SEPTIN11: variants seen among roughly 807,000 people sequenced by gnomAD.
The protein encoded by SEPTIN11 is septin 11.
SEPTIN11 carries 25 observed loss-of-function variants against 51.4 expected under a neutral mutation model. The ratio of observed to expected loss-of-function variants is 0.49; its 90% CI spans 0.35 to 0.68. The LOEUF is 0.68. Among genes scored for constraint, SEPTIN11 ranks in the 30% least tolerant of loss-of-function variants. SEPTIN11 has a pLI of 0.00. For synonymous variants in SEPTIN11, 174 were observed against 184.1 expected, an observed-to-expected ratio of 0.95 and a Z score of 0.44; for missense variants, 381 against 520.8, an observed-to-expected ratio of 0.73 and a Z score of 2.61.
At chr4:76,967,379 G>A (rs1483293981) in intron 1 of SEPTIN11, among the ~76,000 whole-genome samples, 1 of 152,212 alleles carries the variant, frequency 6.6e-6, no homozygotes, top group Admixed American at 6.5e-5. Context: ...AGGCAAATGT[G>A]TAAGCCATCT....
intron 1 of SEPTIN11, among the ~76,000 whole-genome samples, chr4:76,954,462 TCCCCCG>T (rs1373456196): frequency 1.3e-5 from 2 of 152,048 alleles, no homozygotes; most frequent in African/African-American, 4.8e-5. Context: ...ATTGATAACC[TCCCCCG>T]CCCCCTTTTT....
At chr4:76,953,552 G>A (rs1300860659) in intron 1 of SEPTIN11, among the ~76,000 whole-genome samples, 1 of 152,122 alleles carries the variant, frequency 6.6e-6, no homozygotes, top group African/African-American at 2.4e-5. Flanking sequence ...GGCCCCAGAT[G>A]GATGGCTGTG....
rs956302677 is a variant in SEPTIN11 at position 77,011,932 on chromosome 4, C to T, written c.525+11C>T. 1 of 1,609,984 alleles carries T rather than the reference C, an allele frequency of 6.2e-7. No individual in the cohort carries two copies. The highest frequency in any genetic ancestry group is 1.7e-5 in the Admixed American group (1 of 59,918). Reference sequence around the variant, plus strand: ...AAGCTGGACAGTAAGGTACTTGCTGCCATTCTGATTATCATCCACTCTCCT... The same window carrying T: ...AAGCTGGACAGTAAGGTACTTGCTGTCATTCTGATTATCATCCACTCTCCT... On this transcript the variant is annotated intron_variant, in intron 4 of 9. Coordinates refer to ENST00000264893, the MANE Select transcript of SEPTIN11 (RefSeq NM_018243.4).
chr4:77,005,886 T>A, intron 3 of SEPTIN11, 90 bp downstream of exon 3: 1 of 1,252,664 alleles, frequency 8.0e-7, no homozygotes, highest in Non-Finnish European at 1.1e-6. Context: ...GTTTTGGGGA[T>A]TTTTTAGTTG....
chr4:76,999,485 CAT>C (rs1723969776), intron 2 of SEPTIN11, among the ~76,000 whole-genome samples: 1 of 152,032 alleles, frequency 6.6e-6, no homozygotes, highest in South Asian at 2.1e-4. Context: ...ACAGTATGCA[CAT>C]GTGTGATATT....
In SEPTIN11 at chr4:77,019,277, G is replaced by T; in HGVS notation, c.784+16G>T. ...GTGGTGCAGGGTATGTGCACAGCATGGGAGATGGAGTCTTCATATTTAGCC... is the reference window on the plus strand; with the variant it reads ...GTGGTGCAGGGTATGTGCACAGCATTGGAGATGGAGTCTTCATATTTAGCC... On this transcript the variant is annotated intron_variant, in intron 6 of 9. Coordinates refer to ENST00000264893, the MANE Select transcript of SEPTIN11 (RefSeq NM_018243.4). The T allele has an allele frequency of 6.3e-7, 1 of 1,583,168 alleles. No individual in the cohort carries two copies.
chr4:77,015,123 T>C (rs113540552), intron 5 of SEPTIN11, 106 bp downstream of exon 5: 1 of 1,079,322 alleles, frequency 9.3e-7, no homozygotes, highest in South Asian at 1.8e-5. Context: ...ACCTGATGAC[T>C]TCAGCTGTAG....
rs1464993625 is a variant in SEPTIN11, at chr4:76,996,534, G to A, written c.137G>A (p.Cys46Tyr). Residue 46 changes from cysteine to tyrosine, a missense_variant, in exon 2 of 10, where the codon TGT becomes TAT. This residue lies in a region of SEPTIN11 where 184 missense variants were observed against 207.7 expected (regional missense o/e 0.89). Transcript: ENST00000264893. The part of the protein sequence containing the change: ...TSQGFCFNIL[C>Y]VGETGIGKST... ...CAAGGATTCTGTTTCAACATCCTTT[G>A]TGTTGGTAAGTTATTCATCACCCCA... 6.2e-7 allele frequency: 1 copy of A among 1,610,302 alleles called. No homozygotes were observed.
At chr4:77,026,339 A>G (rs146197065) in intron 7 of SEPTIN11, among the ~76,000 whole-genome samples, 142 of 152,344 alleles carry the variant, frequency 9.3e-4, no homozygotes, top group Non-Finnish European at 1.6e-3. Flanking sequence ...CAAACTAGTT[A>G]TATCAAATCA....
intron 9 of SEPTIN11, among the ~76,000 whole-genome samples, chr4:77,033,005 G>A (rs956566622): frequency 3.3e-5 from 5 of 152,198 alleles, no homozygotes; most frequent in African/African-American, 1.2e-4. Context: ...TATTTTGAAG[G>A]ATATTATACT....
In SEPTIN11 at chr4:77,035,408, C is replaced by G; in HGVS notation, c.*896C>G. 1 of 985,332 alleles carries G rather than the reference C, an allele frequency of 1.0e-6. No homozygotes were observed. Among genetic ancestry groups the G allele is most frequent in the South Asian group, 4.7e-5 (1 of 21,284 alleles). The allele number at this position is 985,332 out of a possible 1,614,324, so 61.0% of individuals were successfully genotyped here. On this transcript the variant is annotated 3_prime_UTR_variant, in exon 10 of 10. Coordinates refer to ENST00000264893, the MANE Select transcript of SEPTIN11 (RefSeq NM_018243.4). ...TAGAGGGAGGACCTGATGACTGATTCCAGGATACTTGTACTTCTAATAACA... is the reference window on the plus strand; with the variant it reads ...TAGAGGGAGGACCTGATGACTGATTGCAGGATACTTGTACTTCTAATAACA...
At chr4:76,956,992 G>A (rs1721586260) in intron 1 of SEPTIN11, among the ~76,000 whole-genome samples, 1 of 141,428 alleles carries the variant, frequency 7.1e-6, no homozygotes, top group South Asian at 2.3e-4. Flanking sequence ...GTGTGTGTGT[G>A]TGAGAGAGAG....
intron 7 of SEPTIN11, among the ~76,000 whole-genome samples, chr4:77,026,258 T>G (rs899458551): frequency 6.6e-6 from 1 of 152,200 alleles, no homozygotes; most frequent in Non-Finnish European, 1.5e-5. Context: ...TGGAGGATTC[T>G]AAGACAATCA....
chr4:76,984,278 G>C lies in SEPTIN11; in HGVS notation c.28-12147G>C, dbSNP rs185781134. On this transcript the variant is annotated intron_variant, in intron 1 of 9. Transcript: ENST00000264893. This position sits in a 1 kb window ranked among gnomAD's most constrained non-coding sequence, Gnocchi z 4.1. Reference sequence around the variant, plus strand: ...AGCCAGGTTGTGACTAGGGGAAACAGCCCTGGTGCTTTTGTTCATGACTTG... The same window carrying C: ...AGCCAGGTTGTGACTAGGGGAAACACCCCTGGTGCTTTTGTTCATGACTTG... 6.4e-4 allele frequency among the ~76,000 whole-genome samples: 98 copies of C among 152,240 alleles called. 2 individuals carry two copies. The highest frequency in any genetic ancestry group is 3.8e-3 in the Admixed American group (58 of 15,296).
chr4:77,012,930 C>T (rs1169282426), intron 4 of SEPTIN11, among the ~76,000 whole-genome samples: 1 of 152,198 alleles, frequency 6.6e-6, no homozygotes, highest in Non-Finnish European at 1.5e-5. Context: ...TAGAAACCCT[C>T]CTTCATCCCA....
rs149722958 is a variant in SEPTIN11, at chr4:76,956,993, TGA to T, written c.27+7076_27+7077del. 6.5e-3 allele frequency among the ~76,000 whole-genome samples: 644 copies of T among 98,466 alleles called. 16 individuals are homozygous for T. In the East Asian group the frequency reaches 0.068, roughly 10 times the overall value. The allele number at this position is 98,466 out of a possible 152,430, so 64.6% of individuals were successfully genotyped here. On this transcript the variant is annotated intron_variant, in intron 1 of 9. Transcript: ENST00000264893. The stretch of plus-strand genomic sequence containing the variant: ...GTGTGTGTGTGTGTGTGTGTGTGTG[TGA>T]GAGAGAGAGAGACAGAGACAGAGAC...
intron 1 of SEPTIN11, among the ~76,000 whole-genome samples, chr4:76,968,654 A>G (rs1722125303): frequency 1.3e-5 from 2 of 152,026 alleles, no homozygotes; most frequent in Admixed American, 1.3e-4. Flanking sequence ...TCCGAAGCCT[A>G]CTCTTTCATA....
intron 3 of SEPTIN11, among the ~76,000 whole-genome samples, chr4:77,010,710 G>T (rs1724801359): frequency 6.6e-6 from 1 of 152,172 alleles, no homozygotes; most frequent in Admixed American, 6.5e-5. Context: ...TGGGATTTGG[G>T]TGTTGAAAGG....
intron 4 of SEPTIN11, among the ~76,000 whole-genome samples, chr4:77,014,212 GT>G (rs1560733827): frequency 1.3e-5 from 2 of 152,190 alleles, no homozygotes; most frequent in African/African-American, 4.8e-5. Flanking sequence ...ATTAGTTGGT[GT>G]GATTTTGAAA....
Sources: allele counts gnomAD v4.1 joint callset (sites outside exome capture counted in the v4.1 genomes callset), GRCh38; gene constraint gnomAD v4.1.1; regional missense constraint gnomAD v4.1.1; non-coding constraint Gnocchi (gnomAD v3.1); transcripts MANE v1.5; gene names NCBI Gene and HGNC (gene_info 2026-07-23, HGNC 2026-07-21).